DENND2D: variants seen among roughly 807,000 people sequenced by gnomAD.
DENND2D encodes DENN domain containing 2D, also known as DENN domain-containing protein 2D.
A neutral mutation model predicts 59.8 loss-of-function variants in DENND2D; 37 were observed. That is an observed-to-expected ratio of 0.62 (90% CI 0.48 to 0.81). DENND2D has a LOEUF of 0.81. Among genes scored for constraint, DENND2D ranks in the 40% least tolerant of loss-of-function variants. DENND2D has a pLI of 0.00. For missense variants in DENND2D, 525 were observed against 579.7 expected (o/e 0.91, Z 0.97); for synonymous variants, 219 against 211.3 (o/e 1.04, Z -0.31).
rs1658369059 is a variant in DENND2D at position 111,197,631 on chromosome 1, G to A, written c.426+289C>T. On this transcript the variant is annotated intron_variant, in intron 4 of 11. Transcript: ENST00000357640. ...GCCTCTGCTCTGGGAGGCTCCAGGG[G>A]CCAAGGTAAGCAGGCCTGGATAGAG... The A allele has an allele frequency of 6.6e-6, 9 of 1,360,120 alleles. No individual in the cohort carries two copies. The South Asian group carries it at 1.0e-4, about 16-fold the overall frequency. The allele number at this position is 1,360,120 out of a possible 1,614,324, so 84.3% of individuals were successfully genotyped here.
chr1:111,201,591 C>A (rs1443518913), upstream of DENND2D, among the ~76,000 whole-genome samples: 1 of 152,206 alleles, frequency 6.6e-6, no homozygotes, highest in Non-Finnish European at 1.5e-5. Flanking sequence ...AAAAAATCAC[C>A]TTGGATTCTC....
intron 8 of DENND2D, among the ~76,000 whole-genome samples, chr1:111,189,487 AAG>A (rs1447559286): frequency 1.3e-5 from 2 of 152,182 alleles, no homozygotes; most frequent in Non-Finnish European, 2.9e-5. Context: ...GAGTAGGAGA[AAG>A]AGCTAAGGTA....
chr1:111,199,430 C>T (rs1294368584), intron 2 of DENND2D, among the ~76,000 whole-genome samples, 193 bp downstream of exon 2: 7 of 152,164 alleles, frequency 4.6e-5, no homozygotes, highest in African/African-American at 1.7e-4. Flanking sequence ...AGAAGTTAGA[C>T]CTAGATTCTG....
At chr1:111,200,325 CA>C in intron 1 of DENND2D, 67 bp downstream of exon 1, 1 of 1,562,996 alleles carries the variant, frequency 6.4e-7, no homozygotes, top group Non-Finnish European at 8.7e-7. Context: ...AGGAGCATTT[CA>C]AGGAAGAAAC....
intron 1 of DENND2D, 138 bp downstream of exon 1, chr1:111,200,255 C>G: frequency 8.3e-7 from 1 of 1,198,098 alleles, no homozygotes; most frequent in East Asian, 2.6e-5. Context: ...GCAGAGGAAG[C>G]CTCCTGACCC....
Position 111,187,662 on chromosome 1 carries a change from T to A in DENND2D, c.1359A>T (p.Ile453=), listed in dbSNP as rs113212069. ...GTTTCTTCTGTTCCTCATATTCAAG[T>A]ATTTTCTGTTGGAAATAGCCTGTGG... The part of the protein sequence containing the change: ...NPPAGYFQQK[I]LEYEEQKKQK... Residue 453 remains isoleucine, a synonymous_variant, in exon 12 of 12, where the codon ATA becomes ATT. Coordinates refer to ENST00000357640, the MANE Select transcript of DENND2D (RefSeq NM_024901.5). 653 of 1,613,820 alleles carry A rather than the reference T, an allele frequency of 4.0e-4. 5 individuals are homozygous for A. The Middle Eastern group carries it at 4.1e-3, about 10-fold the overall frequency.
chr1:111,193,954 A>G (rs1657991441), intron 7 of DENND2D, among the ~76,000 whole-genome samples: 1 of 152,226 alleles, frequency 6.6e-6, no homozygotes, highest in African/African-American at 2.4e-5. Context: ...CCTAATGTGC[A>G]TTATTTCATT....
At chr1:111,187,854 G>A (rs1657358940) in intron 11 of DENND2D, among the ~76,000 whole-genome samples, 173 bp from the exon 12 acceptor site, 1 of 152,164 alleles carries the variant, frequency 6.6e-6, no homozygotes, top group South Asian at 2.1e-4. Flanking sequence ...GTCCAAAAAG[G>A]AGCCCATAAA....
intron 8 of DENND2D, among the ~76,000 whole-genome samples, chr1:111,191,096 G>A (rs1438317091): frequency 6.6e-6 from 1 of 152,120 alleles, no homozygotes; most frequent in Non-Finnish European, 1.5e-5. Context: ...ATAATTTCTG[G>A]GGTTGGAACA....
At chr1:111,202,840 T>C (rs1051598059), upstream of DENND2D, among the ~76,000 whole-genome samples, 1 of 149,036 alleles carries the variant, frequency 6.7e-6, no homozygotes, top group Non-Finnish European at 1.5e-5. Context: ...CTCCTGGCCC[T>C]ACAAGTGTTA....
intron 3 of DENND2D, among the ~76,000 whole-genome samples, 193 bp from the exon 4 acceptor site, chr1:111,198,182 A>G (rs570404829): frequency 6.6e-6 from 1 of 152,354 alleles, no homozygotes; most frequent in East Asian, 1.9e-4. Flanking sequence ...AGGTAGGTTC[A>G]GTAATTATTC....
In DENND2D at chr1:111,189,154, A is replaced by AAT; in HGVS notation, c.1014+57_1014+58insAT. 3 of 1,574,856 alleles carry AAT rather than the reference A, an allele frequency of 1.9e-6. No individual in the cohort carries two copies. The Admixed American group carries it at 5.0e-5, about 27-fold the overall frequency. On this transcript the variant is annotated intron_variant, in intron 9 of 11. Coordinates refer to ENST00000357640, the MANE Select transcript of DENND2D (RefSeq NM_024901.5). ...TGTTTAAATAAGTGGAACATGGATG[A>AAT]AACTAGAGTGGTAGAGTTGTTGATA...
rs148428712 is a variant in DENND2D, at chr1:111,198,998, G to A, written c.244-256C>T. ...TAAGCTTGAGTTCGACCTCAGTATC[G>A]AGATCTACATAGAAAGGGGACAGGG... On this transcript the variant is annotated intron_variant, in intron 2 of 11. Coordinates refer to ENST00000357640, the MANE Select transcript of DENND2D (RefSeq NM_024901.5). Among the ~76,000 whole-genome samples, 426 of 152,300 alleles carry A rather than the reference G, an allele frequency of 2.8e-3. 3 individuals carry two copies. Among genetic ancestry groups the A allele is most frequent in the African/African-American group, 9.4e-3 (389 of 41,566 alleles).
At chr1:111,198,354 G>C (rs369625903) in intron 3 of DENND2D, among the ~76,000 whole-genome samples, 1 of 152,292 alleles carries the variant, frequency 6.6e-6, no homozygotes, top group East Asian at 1.9e-4. Context: ...TTTCTGCTAA[G>C]TCCAGCTTGG....
At chr1:111,196,983 A>G in intron 5 of DENND2D, 193 bp downstream of exon 5, 1 of 615,902 alleles carries the variant, frequency 1.6e-6, no homozygotes, top group South Asian at 2.0e-5. Context: ...CAAGAGGTCC[A>G]GTCCCCTAGA....
upstream of DENND2D, chr1:111,201,124 G>T (rs958122252): frequency 6.5e-6 from 1 of 153,256 alleles, no homozygotes; most frequent in African/African-American, 2.4e-5. Flanking sequence ...AATAGACTTG[G>T]CCTAATAATT....
intron 8 of DENND2D, among the ~76,000 whole-genome samples, chr1:111,189,879 C>A (rs1186106435): frequency 1.3e-5 from 2 of 152,108 alleles, no homozygotes; most frequent in African/African-American, 4.8e-5. Context: ...ATTAGAAAAA[C>A]TCCTGCCTCT....
chr1:111,189,096 A>G, intron 9 of DENND2D, 116 bp downstream of exon 9: 1 of 1,238,774 alleles, frequency 8.1e-7, no homozygotes, highest in Non-Finnish European at 1.2e-6. Flanking sequence ...TCTTTTTAGC[A>G]CAGATTCTCA....
At chr1:111,197,130 G>C (rs1658307793) in intron 5 of DENND2D, 46 bp downstream of exon 5, 2 of 1,575,460 alleles carry the variant, frequency 1.3e-6, no homozygotes, top group Non-Finnish European at 1.7e-6. Flanking sequence ...TTGGCAGCCA[G>C]AGACAGCCTG....
Sources: allele counts gnomAD v4.1 joint callset (sites outside exome capture counted in the v4.1 genomes callset), GRCh38; gene constraint gnomAD v4.1.1; transcripts MANE v1.5; gene names NCBI Gene and HGNC (gene_info 2026-07-23, HGNC 2026-07-21).